The following GRID2 variants were observed in gnomAD, a reference collection of about 807,000 sequenced individuals.
The protein encoded by GRID2 is glutamate receptor ionotropic, delta-2.
In GRID2, 33 loss-of-function variants were observed where a neutral mutation model predicts 114.8. The ratio of observed to expected loss-of-function variants is 0.29; its 90% CI spans 0.22 to 0.38. The LOEUF (loss-of-function observed/expected upper bound fraction) is 0.38. Ranked by LOEUF, GRID2 falls within the 10% of genes least tolerant of loss-of-function variation. GRID2 has a pLI of 1.00. For missense variants in GRID2, 1,184 were observed against 1,257.7 expected, an observed-to-expected ratio of 0.94 and a Z score of 0.89; for synonymous variants, 505 against 449.9, an observed-to-expected ratio of 1.12 and a Z score of -1.55.
rs139562389 is a variant in GRID2 at position 93,276,809 on chromosome 4, T to C, written c.1245+38319T>C. The stretch of plus-strand genomic sequence containing the variant: ...AGCAGATACCTTTTTTTATATGTAC[T>C]GTATTGCCACTTTTAAATCAAATAT... On this transcript the variant is annotated intron_variant, in intron 8 of 15. Transcript: ENST00000282020. Among the ~76,000 whole-genome samples, 327 of 152,086 alleles carry C rather than the reference T, an allele frequency of 2.2e-3. 2 individuals are homozygous for C. Among genetic ancestry groups the C allele is most frequent in the African/African-American group, 7.7e-3 (318 of 41,536 alleles).
chr4:92,687,969 G>C (rs1430011056), intron 2 of GRID2, among the ~76,000 whole-genome samples: 1 of 149,056 alleles, frequency 6.7e-6, no homozygotes, highest in East Asian at 2.0e-4. Flanking sequence ...TGAAGGTTGG[G>C]GATGCTGTGG....
intron 3 of GRID2, among the ~76,000 whole-genome samples, chr4:93,096,930 G>A (rs558300409): frequency 6.6e-6 from 1 of 151,912 alleles, no homozygotes; most frequent in Non-Finnish European, 1.5e-5. Context: ...TTTGAGAATG[G>A]TTAAATTAAT....
At chr4:93,699,598 C>T (rs1727333110) in intron 14 of GRID2, among the ~76,000 whole-genome samples, 1 of 152,018 alleles carries the variant, frequency 6.6e-6, no homozygotes, top group Non-Finnish European at 1.5e-5. Flanking sequence ...ATTGAAGAAG[C>T]TGGAATTAAA....
chr4:93,470,271 T>A (rs1020623249), intron 11 of GRID2, among the ~76,000 whole-genome samples: 2 of 152,172 alleles, frequency 1.3e-5, no homozygotes, highest in African/African-American at 4.8e-5. Flanking sequence ...ACAGTACATA[T>A]TTAACTGATG....
At chr4:93,123,793 A>C (rs926697250) in intron 4 of GRID2, among the ~76,000 whole-genome samples, 1 of 152,196 alleles carries the variant, frequency 6.6e-6, no homozygotes, top group Non-Finnish European at 1.5e-5. Flanking sequence ...ATTCTTGACC[A>C]TTTCAAAAAT....
intron 2 of GRID2, among the ~76,000 whole-genome samples, chr4:92,682,193 T>C (rs193150015): frequency 2.0e-5 from 3 of 152,254 alleles, no homozygotes; most frequent in Non-Finnish European, 4.4e-5. Context: ...TAAAAGATTG[T>C]TCACTGGAAT....
chr4:93,468,561 T>C (rs540796063), intron 11 of GRID2, among the ~76,000 whole-genome samples: 15 of 152,166 alleles, frequency 9.9e-5, no homozygotes, highest in African/African-American at 3.6e-4. Context: ...TAGATAGATA[T>C]CTGGAGGAAA....
At chr4:92,877,812 T>C (rs751775362) in intron 2 of GRID2, among the ~76,000 whole-genome samples, 48 of 152,178 alleles carry the variant, frequency 3.2e-4, no homozygotes, top group Admixed American at 5.2e-4. Flanking sequence ...CTTTATAATT[T>C]GGAGAATGAC....
intron 4 of GRID2, among the ~76,000 whole-genome samples, chr4:93,173,791 A>G (rs1739080308): frequency 6.6e-6 from 1 of 151,888 alleles, no homozygotes; most frequent in Non-Finnish European, 1.5e-5. Context: ...CACCACACCC[A>G]GCTCATTTTT....
chr4:93,660,732 A>G (rs1409150705), intron 14 of GRID2, among the ~76,000 whole-genome samples: 2 of 152,188 alleles, frequency 1.3e-5, no homozygotes, highest in Middle Eastern at 3.2e-3. Flanking sequence ...AGAAGACTCA[A>G]GACTCCTGGG....
At chr4:93,330,503 A>G (rs1373846220) in intron 8 of GRID2, among the ~76,000 whole-genome samples, 2 of 152,212 alleles carry the variant, frequency 1.3e-5, no homozygotes, top group African/African-American at 2.4e-5. Context: ...ATTAAAACAT[A>G]TATTTTATTT....
chr4:92,324,538 T>C (rs1383482745), intron 1 of GRID2, among the ~76,000 whole-genome samples: 3 of 151,826 alleles, frequency 2.0e-5, no homozygotes, highest in African/African-American at 7.2e-5. Flanking sequence ...TGTTCTTAGG[T>C]TTCCTATGCT....
intron 8 of GRID2, among the ~76,000 whole-genome samples, chr4:93,287,185 GA>G (rs1021841184): frequency 5.9e-5 from 9 of 152,076 alleles, no homozygotes; most frequent in Non-Finnish European, 1.0e-4. Flanking sequence ...ACCCTATTGG[GA>G]AAAAATATCA....
intron 8 of GRID2, among the ~76,000 whole-genome samples, chr4:93,389,061 T>G (rs1764597801): frequency 6.6e-6 from 1 of 152,192 alleles, no homozygotes; most frequent in Admixed American, 6.5e-5. Context: ...ACTAACCTTG[T>G]CAGTTTCATA....
intron 1 of GRID2, among the ~76,000 whole-genome samples, chr4:93,780,101 A>G (rs1169329992): frequency 1.3e-5 from 2 of 152,192 alleles, no homozygotes; most frequent in African/African-American, 4.8e-5. Flanking sequence ...GGATTAGTCT[A>G]TTGGGAGGTG....
chr4:92,960,756 A>C (rs1752743455), intron 2 of GRID2, among the ~76,000 whole-genome samples: 1 of 151,772 alleles, frequency 6.6e-6, no homozygotes, highest in South Asian at 2.1e-4. Flanking sequence ...TAGTTGGGTT[A>C]ATATTTATCT....
At chr4:92,811,048 G>A (rs555604758) in intron 2 of GRID2, among the ~76,000 whole-genome samples, 1 of 152,082 alleles carries the variant, frequency 6.6e-6, no homozygotes, top group African/African-American at 2.4e-5. Context: ...CTTCCAAAGT[G>A]CTGGAACTAC....
chr4:93,296,258 T>G (rs892357), intron 8 of GRID2, among the ~76,000 whole-genome samples: 85,822 of 151,464 alleles, frequency 0.57, 25,425 homozygotes, highest in Middle Eastern at 0.75. Flanking sequence ...CTCATCTACC[T>G]CCCTCTAATA....
chr4:93,487,236 C>T (rs966926798), intron 11 of GRID2, among the ~76,000 whole-genome samples: 3 of 151,732 alleles, frequency 2.0e-5, no homozygotes, highest in African/African-American at 7.3e-5. Context: ...TTTAAAGAAC[C>T]AAACTTCTGT....
Sources: allele counts gnomAD v4.1 joint callset (sites outside exome capture counted in the v4.1 genomes callset), GRCh38; gene constraint gnomAD v4.1.1; transcripts MANE v1.5; gene names NCBI Gene and HGNC (gene_info 2026-07-23, HGNC 2026-07-21).